Variants in TNFRSF10A observed in about 807,000 individuals in gnomAD.
TNFRSF10A encodes the protein TNF receptor superfamily member 10a.
Under a neutral mutation model 42.8 loss-of-function variants are expected in TNFRSF10A, and 44 were observed. That is an observed-to-expected ratio of 1.03 (90% CI 0.81 to 1.32). The LOEUF (loss-of-function observed/expected upper bound fraction) is 1.32, where lower values mean the gene tolerates loss of function less well. TNFRSF10A is among the 40% of genes most tolerant of loss of function. TNFRSF10A has a pLI of 0.00. For synonymous variants in TNFRSF10A, 259 were observed against 234.2 expected (o/e 1.11, Z -0.97); for missense variants, 680 against 602.0 (o/e 1.13, Z -1.36).
At chr8:23,220,067 G>A (rs937599864) in intron 1 of TNFRSF10A, among the ~76,000 whole-genome samples, 1 of 152,132 alleles carries the variant, frequency 6.6e-6, no homozygotes, top group East Asian at 1.9e-4. Context: ...AGTGTCTGAG[G>A]TGCCGAGTGC....
chr8:23,223,571 T>C (rs1235468500), intron 1 of TNFRSF10A, among the ~76,000 whole-genome samples: 1 of 152,332 alleles, frequency 6.6e-6, no homozygotes, highest in Non-Finnish European at 1.5e-5. Context: ...AAAACATAAA[T>C]TCTGTAATTA....
At chr8:23,202,551 T>G in intron 3 of TNFRSF10A, 97 bp downstream of exon 3, 2 of 892,222 alleles carry the variant, frequency 2.2e-6, no homozygotes, top group Non-Finnish European at 3.7e-6. Context: ...GAAGACCAAG[T>G]TGGGCTGGAA....
chr8:23,210,900 T>A (rs376346073), intron 2 of TNFRSF10A, among the ~76,000 whole-genome samples: 1 of 152,114 alleles, frequency 6.6e-6, no homozygotes, highest in Admixed American at 6.5e-5. Context: ...CAAAATAATC[T>A]AGGAATAAAA....
chr8:23,221,008 T>C (rs1424541698), intron 1 of TNFRSF10A, among the ~76,000 whole-genome samples: 1 of 152,240 alleles, frequency 6.6e-6, no homozygotes, highest in Non-Finnish European at 1.5e-5. Context: ...ATCTTTGTCC[T>C]AACTTGAAGT....
chr8:23,201,743 T>G, intron 4 of TNFRSF10A, 65 bp downstream of exon 4: 1 of 1,449,262 alleles, frequency 6.9e-7, no homozygotes, highest in Non-Finnish European at 9.5e-7. Context: ...ACTCGGGTCT[T>G]TTTAGGGTTC....
intron 1 of TNFRSF10A, among the ~76,000 whole-genome samples, chr8:23,216,537 T>C (rs1194585147): frequency 6.6e-6 from 1 of 150,722 alleles, no homozygotes; most frequent in Non-Finnish European, 1.5e-5. Flanking sequence ...AGGTCAGGAG[T>C]TCAAGACCAG....
At chr8:23,202,427 C>T (rs894320281) in intron 3 of TNFRSF10A, among the ~76,000 whole-genome samples, 1 of 152,224 alleles carries the variant, frequency 6.6e-6, no homozygotes. Context: ...TGTAATGATG[C>T]CCCTACCCTC....
chr8:23,199,849 C>A (rs757676514), intron 7 of TNFRSF10A, 37 bp downstream of exon 7: 1 of 1,613,988 alleles, frequency 6.2e-7, no homozygotes, highest in African/African-American at 1.3e-5. Context: ...AGTTCCTGAG[C>A]CCCTGATGCC....
chr8:23,213,044 G>A (rs906002186), intron 1 of TNFRSF10A, among the ~76,000 whole-genome samples: 7 of 152,142 alleles, frequency 4.6e-5, no homozygotes, highest in African/African-American at 9.7e-5. Context: ...TCTTTGCTGG[G>A]AAGTTTTGGA....
At chr8:23,202,898 C>A in intron 2 of TNFRSF10A, 137 bp from the exon 3 acceptor site, 3 of 614,568 alleles carry the variant, frequency 4.9e-6, no homozygotes, top group Non-Finnish European at 6.0e-6. Context: ...TTGGTCTTGT[C>A]GTCAATTCTG....
At chr8:23,218,937 C>T (rs1217489599) in intron 1 of TNFRSF10A, among the ~76,000 whole-genome samples, 3 of 152,226 alleles carry the variant, frequency 2.0e-5, no homozygotes, top group Non-Finnish European at 1.5e-5. Flanking sequence ...TACTGTATTT[C>T]AGCACATGCT....
At chr8:23,216,402 A>T (rs1198209792) in intron 1 of TNFRSF10A, among the ~76,000 whole-genome samples, 3 of 152,144 alleles carry the variant, frequency 2.0e-5, no homozygotes. Context: ...ATAGAAGTGT[A>T]TAACCATCAA....
intron 1 of TNFRSF10A, among the ~76,000 whole-genome samples, chr8:23,214,436 C>T (rs1228568408): frequency 2.7e-5 from 4 of 150,648 alleles, no homozygotes; most frequent in East Asian, 1.9e-4. Flanking sequence ...TGCAGTGAGC[C>T]GAGATTGTGC....
At chr8:23,192,182 C>T (rs2128845922) in intron 9 of TNFRSF10A, among the ~76,000 whole-genome samples, 169 bp from the exon 10 acceptor site, 1 of 152,314 alleles carries the variant, frequency 6.6e-6, no homozygotes, top group South Asian at 2.1e-4. Context: ...GAGAGCCCAC[C>T]CACACTGCCT....
At chr8:23,202,101 C>A (rs1800937970) in intron 3 of TNFRSF10A, among the ~76,000 whole-genome samples, 182 bp from the exon 4 acceptor site, 1 of 151,218 alleles carries the variant, frequency 6.6e-6, no homozygotes, top group South Asian at 2.1e-4. Flanking sequence ...CAGCTGTCAC[C>A]AACACTTGGA....
intron 2 of TNFRSF10A, among the ~76,000 whole-genome samples, chr8:23,211,505 TG>T (rs1025997398): frequency 3.3e-5 from 5 of 152,206 alleles, no homozygotes; most frequent in African/African-American, 9.6e-5. Flanking sequence ...ACACAATCCC[TG>T]TGAGAAACTC....
intron 6 of TNFRSF10A, 115 bp downstream of exon 6, chr8:23,200,390 T>C (rs537010334): frequency 1.5e-5 from 18 of 1,178,186 alleles, no homozygotes; most frequent in African/African-American, 1.4e-4. Flanking sequence ...AGGAGGAAGA[T>C]AGAGCCCGGC....
intron 1 of TNFRSF10A, among the ~76,000 whole-genome samples, chr8:23,213,848 T>G (rs1801135317): frequency 6.6e-6 from 1 of 152,254 alleles, no homozygotes; most frequent in Non-Finnish European, 1.5e-5. Flanking sequence ...ATTATAACAC[T>G]GCTTTCATAT....
At chr8:23,197,257 A>G (rs1206911541) in intron 8 of TNFRSF10A, 53 bp from the exon 9 acceptor site, 1 of 1,607,860 alleles carries the variant, frequency 6.2e-7, no homozygotes, top group East Asian at 2.2e-5. Flanking sequence ...CCTGCAGTCT[A>G]GTACTGACTC....
Sources: gnomAD v4.1 joint callset for allele counts (sites outside exome capture counted in the v4.1 genomes callset) on GRCh38, gnomAD v4.1.1 for gene constraint, MANE v1.5 for transcripts, NCBI Gene and HGNC (gene_info 2026-07-23, HGNC 2026-07-21) for gene names.